EFCAB3: variants seen among roughly 807,000 people sequenced by gnomAD.
The protein encoded by EFCAB3 is EF-hand calcium binding domain 3.
EFCAB3 carries 36 observed loss-of-function variants against 42.2 expected under a neutral mutation model. That is an observed-to-expected ratio of 0.85 (90% CI 0.65 to 1.13). The LOEUF is 1.13. Among genes scored for constraint, EFCAB3 ranks in the 50% most tolerant of loss-of-function variants. The pLI, the probability that EFCAB3 is intolerant of heterozygous loss-of-function variation, is 0.00. For missense variants in EFCAB3, 418 were observed against 505.1 expected (o/e 0.83, Z 1.65); for synonymous variants, 170 against 172.8 (o/e 0.98, Z 0.13).
Position 62,397,708 on chromosome 17 carries a change from TCTTGTTG to T in EFCAB3, c.488+2523_488+2529del, listed in dbSNP as rs544259609. On this transcript the variant is annotated intron_variant, in intron 6 of 9. Transcript: ENST00000305286. ...ACTTTATTGAGAAAAACGATAAAGT[TCTTGTTG>T]CTGGATTTGGTTAAAAAGGTCATGC... The T allele has an allele frequency of 2.8e-4, 146 of 529,002 alleles. 1 individual carries two copies. Among genetic ancestry groups the T allele is most frequent in the African/African-American group, 2.6e-3 (136 of 51,898 alleles). 32.8% of individuals were successfully genotyped at this position (529,002 alleles called of 1,614,324 possible).
intron 6 of EFCAB3, among the ~76,000 whole-genome samples, chr17:62,399,458 G>A (rs1034532015): frequency 5.3e-5 from 8 of 152,056 alleles, no homozygotes; most frequent in Non-Finnish European, 1.0e-4. Context: ...GTGAGCCACC[G>A]CCTGGCCCCA....
Position 62,413,779 on chromosome 17 carries a change from C to T in EFCAB3, c.915C>T (p.Asn305=), listed in dbSNP as rs1368977625. The T allele has an allele frequency of 1.9e-6, 3 of 1,613,468 alleles. No homozygotes were observed. Among genetic ancestry groups the T allele is most frequent in the Non-Finnish European group, 2.5e-6 (3 of 1,179,684 alleles). Residue 305 remains asparagine (N), a synonymous_variant, in exon 9 of 10, where the codon AAC becomes AAT. Coordinates refer to ENST00000305286, the MANE Select transcript of EFCAB3 (RefSeq NM_173503.4). ...ACCCTGCCTCAGGTTATTCAAATAACATCTTCACCATTGATCAAATGCTCA... is the reference window on the plus strand; with the variant it reads ...ACCCTGCCTCAGGTTATTCAAATAATATCTTCACCATTGATCAAATGCTCA... The part of the protein sequence containing the change: ...SMDPASGYSN[N]IFTIDQMLKK...
chr17:62,382,991 A>C lies in EFCAB3; in HGVS notation c.12A>C (p.Ser4=). Residue 4 remains serine, a synonymous_variant, in exon 2 of 10, where the codon TCA becomes TCC. Transcript: ENST00000305286. Reference sequence around the variant, plus strand: ...GAGTCACTGGCCACATGGCAGTTTCAGAAATTAAACCAAAACTTAAGCTGA... The same window carrying C: ...GAGTCACTGGCCACATGGCAGTTTCCGAAATTAAACCAAAACTTAAGCTGA... MAV[S]EIKPKLKLNP... is the part of the protein sequence containing the mutation. 1.9e-6 allele frequency: 3 copies of C among 1,613,750 alleles called. No homozygotes were observed. Among genetic ancestry groups the C allele is most frequent in the Non-Finnish European group, 2.5e-6 (3 of 1,179,942 alleles).
intron 2 of EFCAB3, among the ~76,000 whole-genome samples, chr17:62,374,427 C>T (rs537473152): frequency 6.6e-6 from 1 of 152,246 alleles, no homozygotes; most frequent in Admixed American, 6.5e-5. Context: ...TGCCATTACA[C>T]TCCAGCCTAG....
At chr17:62,388,933 A>G (rs188103540) in intron 3 of EFCAB3, among the ~76,000 whole-genome samples, 1 of 152,292 alleles carries the variant, frequency 6.6e-6, no homozygotes, top group East Asian at 1.9e-4. Context: ...TAAGGGGTCT[A>G]TTTTAGTCAG....
chr17:62,414,685 T>C (rs1463246822), intron 9 of EFCAB3, among the ~76,000 whole-genome samples: 2 of 152,172 alleles, frequency 1.3e-5, no homozygotes, highest in African/African-American at 2.4e-5. Context: ...ATATTGCATG[T>C]GTCTCAGTTG....
intron 8 of EFCAB3, among the ~76,000 whole-genome samples, chr17:62,409,066 AT>A (rs558347299): frequency 4.6e-5 from 7 of 151,668 alleles, no homozygotes; most frequent in Non-Finnish European, 7.4e-5. Flanking sequence ...CACTTTAATA[AT>A]TTTTTTTTGA....
intron 8 of EFCAB3, among the ~76,000 whole-genome samples, chr17:62,410,165 C>T (rs2070482750): frequency 6.6e-6 from 1 of 152,008 alleles, no homozygotes. Context: ...CACCATTGCA[C>T]TCCAGCCTGG....
chr17:62,398,781 T>A (rs1164798792), intron 6 of EFCAB3, among the ~76,000 whole-genome samples: 1 of 152,148 alleles, frequency 6.6e-6, no homozygotes, highest in Non-Finnish European at 1.5e-5. Context: ...TGAATAAATA[T>A]ACGGAAGTAA....
chr17:62,411,581 C>T (rs867655886), intron 8 of EFCAB3, among the ~76,000 whole-genome samples: 1 of 151,902 alleles, frequency 6.6e-6, no homozygotes, highest in African/African-American at 2.4e-5. Context: ...CCAGCCTGGC[C>T]AACATGATGA....
At chr17:62,379,345 G>C (rs1288041730), upstream of EFCAB3, among the ~76,000 whole-genome samples, 1 of 150,404 alleles carries the variant, frequency 6.6e-6, no homozygotes, top group Non-Finnish European at 1.5e-5. Context: ...ACTTGAGCCT[G>C]GGAGGTCGAG....
At chr17:62,392,697 G>C (rs2070314374) in intron 4 of EFCAB3, among the ~76,000 whole-genome samples, 1 of 151,920 alleles carries the variant, frequency 6.6e-6, no homozygotes, top group East Asian at 1.9e-4. Context: ...GAGTGCAGTG[G>C]CGCAATCTCA....
At chr17:62,389,988 A>G (rs957180579) in intron 3 of EFCAB3, among the ~76,000 whole-genome samples, 5 of 151,964 alleles carry the variant, frequency 3.3e-5, no homozygotes, top group African/African-American at 7.3e-5. Context: ...GGGTTTCACC[A>G]TGTTAGCCAG....
intron 6 of EFCAB3, among the ~76,000 whole-genome samples, chr17:62,405,374 A>G (rs1361732616): frequency 2.6e-5 from 4 of 152,252 alleles, no homozygotes; most frequent in African/African-American, 9.6e-5. Context: ...CTGAGAGGAA[A>G]GAAAAGGTTG....
At chr17:62,402,354 C>T (rs2070411313) in intron 6 of EFCAB3, among the ~76,000 whole-genome samples, 1 of 152,128 alleles carries the variant, frequency 6.6e-6, no homozygotes, top group African/African-American at 2.4e-5. Context: ...GAGAGGGCAT[C>T]CCTGTCTTGT....
chr17:62,406,727 C>T (rs955573781), intron 7 of EFCAB3, 54 bp downstream of exon 7: 22 of 1,582,596 alleles, frequency 1.4e-5, no homozygotes, highest in African/African-American at 2.7e-5. Context: ...TTGTATATGA[C>T]TGGTCAGAAA....
At chr17:62,387,582 T>TA (rs2070264533) in intron 3 of EFCAB3, among the ~76,000 whole-genome samples, 166 bp downstream of exon 3, 1 of 152,210 alleles carries the variant, frequency 6.6e-6, no homozygotes, top group South Asian at 2.1e-4. Context: ...AAATTGCTTT[T>TA]AAATGGACAT....
intron 6 of EFCAB3, chr17:62,397,947 C>T: frequency 4.6e-6 from 1 of 218,104 alleles, no homozygotes; most frequent in Non-Finnish European, 8.9e-6. Flanking sequence ...ATCGCTTGAA[C>T]CTGGGAGGCA....
At chr17:62,414,766 T>G (rs1353432933) in intron 9 of EFCAB3, among the ~76,000 whole-genome samples, 6 of 152,112 alleles carry the variant, frequency 3.9e-5, no homozygotes, top group Non-Finnish European at 8.8e-5. Flanking sequence ...TCCTCATTCC[T>G]CACATCTGCT....
Sources: allele counts gnomAD v4.1 joint callset (sites outside exome capture counted in the v4.1 genomes callset), GRCh38; gene constraint gnomAD v4.1.1; transcripts MANE v1.5; gene names NCBI Gene and HGNC (gene_info 2026-07-23, HGNC 2026-07-21).